The following NUMA1 variants were observed in gnomAD, a reference collection of about 807,000 sequenced individuals.
NUMA1 encodes nuclear mitotic apparatus protein 1, also known as SP-H antigen.
NUMA1 carries 62 observed loss-of-function variants against 237.1 expected under a neutral mutation model. The ratio of observed to expected loss-of-function variants is 0.26; its 90% confidence interval spans 0.21 to 0.32. The LOEUF is 0.32. Among genes scored for constraint, NUMA1 ranks in the 10% least tolerant of loss-of-function variants. The pLI is 1.00. For synonymous variants in NUMA1, 1,028 were observed against 1,066.1 expected (o/e 0.96, Z 0.70); for missense variants, 2,533 against 2,666.5 (o/e 0.95, Z 1.10).
intron 23 of NUMA1, 72 bp downstream of exon 23, chr11:72,005,161 G>C: frequency 1.4e-5 from 21 of 1,467,558 alleles, no homozygotes; most frequent in Non-Finnish European, 1.8e-5. Context: ...CTAGTGCTCA[G>C]GCTAGATCAG....
At chr11:72,060,093 G>GT (rs1234858186) in intron 2 of NUMA1, among the ~76,000 whole-genome samples, 21 of 152,210 alleles carry the variant, frequency 1.4e-4, no homozygotes, top group East Asian at 1.3e-3. Flanking sequence ...CATCAAAGCT[G>GT]TTTTTTTAAC....
intron 9 of NUMA1, 96 bp from the exon 10 acceptor site, chr11:72,019,076 C>A: frequency 7.3e-7 from 1 of 1,371,978 alleles, no homozygotes; most frequent in African/African-American, 1.4e-5. Flanking sequence ...TATGGAAGTG[C>A]GCACTAGCAG....
chr11:72,018,134 C>T, intron 12 of NUMA1, 49 bp downstream of exon 12: 1 of 1,358,170 alleles, frequency 7.4e-7, no homozygotes, highest in Non-Finnish European at 1.1e-6. Flanking sequence ...GCCTTCCAGA[C>T]CACCTCAGCC....
intron 2 of NUMA1, among the ~76,000 whole-genome samples, chr11:72,055,047 T>C (rs1349166449): frequency 6.6e-6 from 1 of 152,104 alleles, no homozygotes; most frequent in African/African-American, 2.4e-5. Flanking sequence ...TATATTATTT[T>C]TGTTTTGGGA....
At chr11:72,017,458 G>T in intron 13 of NUMA1, 1 of 567,566 alleles carries the variant, frequency 1.8e-6, no homozygotes, top group Non-Finnish European at 3.2e-6. Flanking sequence ...GCAGAGATAG[G>T]ATTGAAAGGT....
intron 1 of NUMA1, among the ~76,000 whole-genome samples, chr11:72,077,048 G>A (rs1943740817): frequency 6.6e-6 from 1 of 151,970 alleles, no homozygotes; most frequent in African/African-American, 2.4e-5. Context: ...TAGCTGAAGA[G>A]TAAACTAGTA....
At chr11:72,044,772 A>T (rs1055654679) in intron 2 of NUMA1, among the ~76,000 whole-genome samples, 1 of 149,740 alleles carries the variant, frequency 6.7e-6, no homozygotes, top group Non-Finnish European at 1.5e-5. Context: ...GGTTCAAATG[A>T]TTCTCCTGCC....
In NUMA1 at chr11:72,005,565, C is replaced by G. The variant is rs544722861; in HGVS notation, c.5693-196G>C. ...CCTAGGGGCTTGCTCACCACCTTCT[C>G]CCTGGAGAGGGCAGAAGAGGTCACA... On this transcript the variant is annotated intron_variant, in intron 22 of 26. Transcript: ENST00000393695. 148 of 569,428 alleles carry G rather than the reference C, an allele frequency of 2.6e-4. 1 individual carries two copies. Among genetic ancestry groups the G allele is most frequent in the Middle Eastern group, 2.2e-3 (5 of 2,264 alleles). The allele number at this position is 569,428 out of a possible 1,614,324, so 35.3% of individuals were successfully genotyped here.
chr11:72,010,706 C>A, intron 17 of NUMA1, 80 bp downstream of exon 17: 1 of 1,425,998 alleles, frequency 7.0e-7, no homozygotes, highest in Non-Finnish European at 9.6e-7. Context: ...TCTGCCCCGA[C>A]ACCCCCCACG....
chr11:72,030,733 TTTAAAGAAC>T (rs1340243679), intron 3 of NUMA1, among the ~76,000 whole-genome samples: 2 of 152,308 alleles, frequency 1.3e-5, no homozygotes, highest in Non-Finnish European at 2.9e-5. Context: ...AACAAGGTAT[TTTAAAGAAC>T]TTCAGCATAG....
intron 23 of NUMA1, 124 bp from the exon 24 acceptor site, chr11:72,004,940 G>C (rs748343562): frequency 9.9e-7 from 1 of 1,012,788 alleles, no homozygotes; most frequent in Admixed American, 3.1e-5. Flanking sequence ...GCCTCACGAG[G>C]TAGAAAGACA....
At chr11:72,053,910 T>C (rs1942498686) in intron 2 of NUMA1, among the ~76,000 whole-genome samples, 1 of 152,206 alleles carries the variant, frequency 6.6e-6, no homozygotes, top group South Asian at 2.1e-4. Context: ...GTATTTACAT[T>C]GCATTATATA....
At chr11:72,047,594 C>G (rs1351928985) in intron 2 of NUMA1, among the ~76,000 whole-genome samples, 1 of 152,190 alleles carries the variant, frequency 6.6e-6, no homozygotes, top group Non-Finnish European at 1.5e-5. Flanking sequence ...TCAAGGCCCT[C>G]CATGACCTGC....
intron 2 of NUMA1, chr11:72,040,789 C>T (rs1242398441): frequency 6.6e-6 from 1 of 152,180 alleles, no homozygotes; most frequent in South Asian, 2.1e-4. Flanking sequence ...CTCCACAGCG[C>T]CTGTTTCTGA....
At position 72,015,260 on chromosome 11, in the gene NUMA1, T is replaced by TC; in HGVS notation, c.2242dup (p.Glu748GlyfsTer4). 6.2e-7 allele frequency: 1 copy of TC among 1,613,648 alleles called. No homozygotes were observed. Among genetic ancestry groups the TC allele is most frequent in the Non-Finnish European group, 8.5e-7 (1 of 1,180,034 alleles). Reference sequence around the variant, plus strand: ...CTCCTTTCGTTCCCGCTTATGCTGCTCCACCAGGCTTCGGGTCTCTGCCTT... The same window carrying TC: ...CTCCTTTCGTTCCCGCTTATGCTGCTCCCACCAGGCTTCGGGTCTCTGCCTT... On this transcript the variant is annotated frameshift_variant, in exon 15 of 27. Coordinates refer to ENST00000393695, the MANE Select transcript of NUMA1 (RefSeq NM_006185.4). LOFTEE classifies it high-confidence loss of function. The surrounding 1 kb of genome is among the most constrained non-coding windows in gnomAD (Gnocchi z 4.0).
Position 72,015,475 on chromosome 11 carries a change from T to A in NUMA1, c.2028A>T (p.Leu676=). Residue 676 remains leucine, a synonymous_variant, in exon 15 of 27, where the codon CTA becomes CTT. Coordinates refer to ENST00000393695, the MANE Select transcript of NUMA1 (RefSeq NM_006185.4). This position sits in a 1 kb window ranked among gnomAD's most constrained non-coding sequence, Gnocchi z 4.0. ...QHEAQAQVAE[L]ELQLRSEQQK... ...GCTGCTCAGACCGCAGCTGCAACTC[T>A]AGCTCTGCAACCTGGGCCTGGGCCT... The A allele has an allele frequency of 6.2e-7, 1 of 1,612,794 alleles. No homozygotes were observed. The highest frequency in any genetic ancestry group is 8.5e-7 in the Non-Finnish European group (1 of 1,180,036).
At chr11:72,038,698 G>T (rs1347965841) in intron 2 of NUMA1, among the ~76,000 whole-genome samples, 1 of 152,032 alleles carries the variant, frequency 6.6e-6, no homozygotes, top group Non-Finnish European at 1.5e-5. Flanking sequence ...GATGCTGATG[G>T]AAAAACAGAT....
Position 72,014,135 on chromosome 11 carries a change from T to C in NUMA1, c.3368A>G (p.Glu1123Gly), listed in dbSNP as rs148552303. ...GRTEPTGPKL[E>G]ALRAEVSKLE... is the part of the protein sequence containing the mutation. ...CTTGCTCACCTCTGCCCGCAGTGCC[T>C]CCAGCTTGGGGCCTGTTGGCTCTGT... The change falls in exon 15 of 27, where the codon GAG becomes GGG. Residue 1123 changes from glutamate to glycine, a missense_variant. Glu to Gly is a moderately conservative substitution (Grantham distance 98). This residue lies in a region of NUMA1 where 1,414 missense variants were observed against 1,508.1 expected (regional missense o/e 0.94). Transcript: ENST00000393695. The surrounding 1 kb of genome is among the most constrained non-coding windows in gnomAD (Gnocchi z 4.6). 437 of 1,612,846 alleles carry C rather than the reference T, an allele frequency of 2.7e-4. 2 individuals carry two copies. The African/African-American group carries it at 5.2e-3, about 19-fold the overall frequency.
At chr11:72,068,461 A>T (rs1414291896) in intron 2 of NUMA1, 1 of 152,216 alleles carries the variant, frequency 6.6e-6, no homozygotes, top group African/African-American at 2.4e-5. Context: ...CTCTACTAAA[A>T]ATACAAAAAA....
Sources: allele counts gnomAD v4.1 joint callset (sites outside exome capture counted in the v4.1 genomes callset), GRCh38; gene constraint gnomAD v4.1.1; regional missense constraint gnomAD v4.1.1; non-coding constraint Gnocchi (gnomAD v3.1); transcripts MANE v1.5; gene names NCBI Gene and HGNC (gene_info 2026-07-23, HGNC 2026-07-21).